MSANTD3: variants seen among roughly 807,000 people sequenced by gnomAD.
The protein encoded by MSANTD3 is myb/SANT-like DNA-binding domain-containing protein 3.
In MSANTD3, 11 loss-of-function variants were observed where a neutral mutation model predicts 27.7. The observed-to-expected ratio is 0.40, with a 90% confidence interval of 0.25 to 0.66. The LOEUF is 0.66. Ranked by LOEUF, MSANTD3 falls within the 30% of genes least tolerant of loss-of-function variation. The probability of loss-of-function intolerance (pLI) is 0.41; values close to 1 mark genes in which losing one functional copy is unlikely to be tolerated. For synonymous variants in MSANTD3, 131 were observed against 127.2 expected, an observed-to-expected ratio of 1.03 and a Z score of -0.20; for missense variants, 250 against 336.5, an observed-to-expected ratio of 0.74 and a Z score of 2.01.
rs1836867489 is a variant in MSANTD3 at position 100,450,814 on chromosome 9, A to T, written c.676A>T (p.Ile226Leu). The T allele has an allele frequency of 2.5e-6, 4 of 1,614,230 alleles. 1 individual carries two copies. The East Asian group carries it at 8.9e-5, about 36-fold the overall frequency. The change falls in exon 3 of 3, where the codon ATA (isoleucine) becomes TTA (leucine). Residue 226 changes from isoleucine to leucine, a missense_variant. By Grantham distance (5) the Ile-to-Leu change is conservative (BLOSUM62 2). This residue lies in a region of MSANTD3 where 235 missense variants were observed against 299.3 expected (regional missense o/e 0.79). Coordinates refer to ENST00000395067, the MANE Select transcript of MSANTD3 (RefSeq NM_080655.3). ...GGTGCATGTGGCCAAAATCCAGCAG[A>T]TAGAGCGAGAGTGTGAGATGGCAGA... ...NEVHVAKIQQ[I>L]ERECEMAEEE...
rs750429927 is a variant in MSANTD3 at position 100,442,306 on chromosome 9, A to G, written c.368A>G (p.Gln123Arg). The change falls in exon 2 of 3, where the codon CAG (glutamine) becomes CGG (arginine). Residue 123 changes from glutamine (Q) to arginine (R), a missense_variant. Physicochemically the swap from Gln to Arg is conservative, Grantham distance 43. Coordinates refer to ENST00000395067, the MANE Select transcript of MSANTD3 (RefSeq NM_080655.3). The part of the protein sequence containing the change: ...SMLPEQLYFL[Q>R]SPPEEEPEYH... ...CTGCCGGAGCAGCTCTACTTCCTGC[A>G]GAGCCCCCCGGAGGAGGAGCCCGAA... 7 of 1,613,930 alleles carry G rather than the reference A, an allele frequency of 4.3e-6. No individual in the cohort carries two copies. The South Asian group carries it at 5.5e-5, about 13-fold the overall frequency.
chr9:100,446,423 A>G lies in MSANTD3; in HGVS notation c.418+4067A>G, dbSNP rs201554173. ...ATCTGAATCATTCTAACGCGCTTGCATATCCTTTTACATGTGTTTTGTGTG... is the reference window on the plus strand; with the variant it reads ...ATCTGAATCATTCTAACGCGCTTGCGTATCCTTTTACATGTGTTTTGTGTG... On this transcript the variant is annotated intron_variant, in intron 2 of 2. Coordinates refer to ENST00000395067, the MANE Select transcript of MSANTD3 (RefSeq NM_080655.3). Among the ~76,000 whole-genome samples the G allele has an allele frequency of 9.2e-5, 14 of 152,252 alleles. No individual in the cohort carries two copies. In the East Asian group the frequency reaches 2.7e-3, roughly 29 times the overall value.
At chr9:100,440,931 C>CTTTT (rs754540059) in intron 1 of MSANTD3, among the ~76,000 whole-genome samples, 3 of 98,352 alleles carry the variant, frequency 3.1e-5, no homozygotes, top group African/African-American at 8.0e-5. Flanking sequence ...GGCTGTACAT[C>CTTTT]TTTTTTTTTT....
In MSANTD3 at chr9:100,451,599, A is replaced by G. The variant is rs1836891051; in HGVS notation, c.*633A>G. On this transcript the variant is annotated 3_prime_UTR_variant, in exon 3 of 3. Transcript: ENST00000395067. ...CACCTTTTAAGGCCTTTCCTCAAAC[A>G]GGAGTTCTAAATAAGTCTCCAACAA... 6.6e-6 allele frequency: 1 copy of G among 152,012 alleles called. No homozygotes were observed. The highest frequency in any genetic ancestry group is 1.5e-5 in the Non-Finnish European group (1 of 68,006). The allele number at this position is 152,012 out of a possible 1,614,324, so 9.4% of individuals were successfully genotyped here. A position where few individuals can be genotyped will look rare whatever the true frequency, so the allele number is the denominator to read the frequency against.
At chr9:100,427,814 G>T (rs1836279067) in intron 1 of MSANTD3, among the ~76,000 whole-genome samples, 1 of 152,122 alleles carries the variant, frequency 6.6e-6, no homozygotes, top group Non-Finnish European at 1.5e-5. Flanking sequence ...TGCCCCGCCC[G>T]TCCAGAGTGT....
Position 100,442,234 on chromosome 9 carries a change from C to G in MSANTD3, c.296C>G (p.Pro99Arg), listed in dbSNP as rs1564250112. The change falls in exon 2 of 3, where the codon CCT becomes CGT. Residue 99 changes from proline (P) to arginine (R), a missense_variant. By Grantham distance (103) the Pro-to-Arg change is moderately radical. Transcript: ENST00000395067. ...RREKVKRSVS[P>R]LLSTHVLGKE... is the part of the protein sequence containing the mutation. ...GAGAAAGTGAAACGGAGCGTCAGCC[C>G]TCTCCTGAGTACCCACGTCCTAGGG... 6.2e-7 allele frequency: 1 copy of G among 1,614,178 alleles called. No homozygotes were observed. The highest frequency in any genetic ancestry group is 2.2e-5 in the East Asian group (1 of 44,878).
In MSANTD3 at chr9:100,450,717, A is replaced by T; in HGVS notation, c.579A>T (p.Leu193Phe). The change falls in exon 3 of 3, where the codon TTA (leucine) becomes TTT (phenylalanine). Residue 193 changes from leucine (L) to phenylalanine (F), a missense_variant. By Grantham distance (22) the Leu-to-Phe change is conservative. Coordinates refer to ENST00000395067, the MANE Select transcript of MSANTD3 (RefSeq NM_080655.3). ...GCAAAACCTCTCAGGAAGGTGCTTTAAAAAAGATGCATGAGGAAGAACACC... is the reference window on the plus strand; with the variant it reads ...GCAAAACCTCTCAGGAAGGTGCTTTTAAAAAGATGCATGAGGAAGAACACC... ...YRSKTSQEGALKKMHEEEHHQ... is the reference protein window; with the variant it reads ...YRSKTSQEGAFKKMHEEEHHQ... The T allele has an allele frequency of 3.1e-6, 5 of 1,614,128 alleles. No individual in the cohort carries two copies. Among genetic ancestry groups the T allele is most frequent in the Non-Finnish European group, 4.2e-6 (5 of 1,180,000 alleles).
At chr9:100,445,377 T>G in intron 2 of MSANTD3, 1 of 567,764 alleles carries the variant, frequency 1.8e-6, no homozygotes, top group South Asian at 2.8e-5. Flanking sequence ...TCATAGGCAC[T>G]TGAAATGTGG....
intron 2 of MSANTD3, among the ~76,000 whole-genome samples, chr9:100,450,205 A>G (rs1212472514): frequency 6.6e-6 from 1 of 152,222 alleles, no homozygotes; most frequent in African/African-American, 2.4e-5. Flanking sequence ...CTGGCCTTGC[A>G]TTGTGGTCCT....
chr9:100,430,286 G>T (rs909941961), intron 1 of MSANTD3, among the ~76,000 whole-genome samples: 2 of 148,490 alleles, frequency 1.3e-5, no homozygotes, highest in Non-Finnish European at 3.0e-5. Context: ...GGTGGCTCAC[G>T]CTTGTAATGC....
chr9:100,442,720 G>A (rs1836657199), intron 2 of MSANTD3, among the ~76,000 whole-genome samples: 1 of 149,752 alleles, frequency 6.7e-6, no homozygotes, highest in African/African-American at 2.5e-5. Context: ...GAGGCTGGAG[G>A]ATAACTTGAG....
intron 2 of MSANTD3, chr9:100,449,007 C>G: frequency 1.0e-6 from 1 of 985,244 alleles, no homozygotes; most frequent in Non-Finnish European, 1.2e-6. Context: ...CCCCCAGTAC[C>G]CATGAACATT....
chr9:100,434,832 G>C (rs1179129665), intron 1 of MSANTD3, among the ~76,000 whole-genome samples: 1 of 152,112 alleles, frequency 6.6e-6, no homozygotes, highest in Admixed American at 6.6e-5. Flanking sequence ...TTCTAGGCTG[G>C]AGGGTTCAGC....
At chr9:100,436,836 A>C (rs577106647) in intron 1 of MSANTD3, among the ~76,000 whole-genome samples, 2 of 152,000 alleles carry the variant, frequency 1.3e-5, no homozygotes, top group Non-Finnish European at 2.9e-5. Flanking sequence ...ACAGAGTCTC[A>C]CTCTGTTGCC....
intron 2 of MSANTD3, chr9:100,448,714 T>A: frequency 1.0e-6 from 1 of 985,386 alleles, no homozygotes; most frequent in East Asian, 1.1e-4. Flanking sequence ...TAACAAGTGT[T>A]CTGCCAGAGG....
rs1310963066 is a variant in MSANTD3, at chr9:100,441,985, T to C, written c.47T>C (p.Leu16Ser). ...IIKPAKYFSE[L>S]EKSILLALVE... ...AAGCCTGCCAAATACTTCTCAGAAT[T>C]GGAAAAGAGCATCCTGCTGGCTTTA... The change falls in exon 2 of 3, where the codon TTG becomes TCG. Residue 16 changes from leucine (L) to serine (S), a missense_variant. By Grantham distance (145) the Leu-to-Ser change is moderately radical. Around this residue, in one of 3 missense-constraint regions of MSANTD3, gnomAD observed 13 missense variants for 16.7 expected, o/e 0.78. Transcript: ENST00000395067. The C allele has an allele frequency of 6.2e-7, 1 of 1,613,734 alleles. No homozygotes were observed. Among genetic ancestry groups the C allele is most frequent in the South Asian group, 1.1e-5 (1 of 91,056 alleles).
intron 1 of MSANTD3, among the ~76,000 whole-genome samples, chr9:100,437,964 T>C (rs1220687670): frequency 6.6e-6 from 1 of 152,236 alleles, no homozygotes; most frequent in African/African-American, 2.4e-5. Context: ...ATATTATTGC[T>C]ATCATTATTA....
At position 100,430,095 on chromosome 9, in the gene MSANTD3, C is replaced by CAA. The variant is rs34052606; in HGVS notation, c.-34+2720_-34+2721dup. Among the ~76,000 whole-genome samples, 408 of 110,968 alleles carry CAA rather than the reference C, an allele frequency of 3.7e-3. 1 individual carries two copies. The highest frequency in any genetic ancestry group is 0.011 in the African/African-American group (320 of 29,486). The allele number at this position is 110,968 out of a possible 152,430, so 72.8% of individuals were successfully genotyped here. A position where few individuals can be genotyped will look rare whatever the true frequency, so the allele number is the denominator to read the frequency against. On this transcript the variant is annotated intron_variant, in intron 1 of 2. Coordinates refer to ENST00000395067, the MANE Select transcript of MSANTD3 (RefSeq NM_080655.3). ...CCCTGCTAGTCTCTCCTCTCTCTCT[C>CAA]AAAAAAAAAAAAAAAAAAATCTAGT...
intron 1 of MSANTD3, among the ~76,000 whole-genome samples, chr9:100,440,833 C>T (rs1271838091): frequency 7.4e-6 from 1 of 135,452 alleles, no homozygotes; most frequent in East Asian, 2.1e-4. Flanking sequence ...CCTTGTTGCC[C>T]ATGCTAGTCT....
Sources: allele counts gnomAD v4.1 joint callset (sites outside exome capture counted in the v4.1 genomes callset), GRCh38; gene constraint gnomAD v4.1.1; regional missense constraint gnomAD v4.1.1; transcripts MANE v1.5; gene names NCBI Gene and HGNC (gene_info 2026-07-23, HGNC 2026-07-21).